OTUD3: variants seen among roughly 807,000 people sequenced by gnomAD.
The protein encoded by OTUD3 is OTU deubiquitinase 3.
A neutral mutation model predicts 46.2 loss-of-function variants in OTUD3; 24 were observed. The ratio of observed to expected loss-of-function variants is 0.52; its 90% CI spans 0.38 to 0.73. The LOEUF is 0.73. Ranked by LOEUF, OTUD3 falls within the 30% of genes least tolerant of loss-of-function variation. The pLI, the probability that OTUD3 is intolerant of heterozygous loss-of-function variation, is 0.00. For missense variants in OTUD3, 455 were observed against 523.3 expected, an observed-to-expected ratio of 0.87 and a Z score of 1.27; for synonymous variants, 189 against 195.4, an observed-to-expected ratio of 0.97 and a Z score of 0.27.
At chr1:19,891,485 C>G (rs1436649690) in intron 2 of OTUD3, among the ~76,000 whole-genome samples, 2 of 152,104 alleles carry the variant, frequency 1.3e-5, no homozygotes. Context: ...GTTAGAAGGT[C>G]TCCACACTGG....
intron 4 of OTUD3, among the ~76,000 whole-genome samples, chr1:19,901,985 A>G (rs1489764861): frequency 1.3e-5 from 2 of 152,218 alleles, no homozygotes; most frequent in African/African-American, 4.8e-5. Flanking sequence ...ATATGTGTAC[A>G]GTATTTTTAC....
In OTUD3 at chr1:19,904,409, C is replaced by A. The variant is rs774226152; in HGVS notation, c.738+11C>A. On this transcript the variant is annotated intron_variant, in intron 5 of 7. Transcript: ENST00000375120. ...GCAACTGGATGTTCAGTTAGTATTT[C>A]TGTCTTGCAGGAATGATTTAGAAGC... 8.1e-6 allele frequency: 13 copies of A among 1,604,280 alleles called. No homozygotes were observed. The highest frequency in any genetic ancestry group is 1.1e-5 in the Non-Finnish European group (13 of 1,176,602).
At chr1:19,883,502 G>C (rs1484995580) in intron 1 of OTUD3, among the ~76,000 whole-genome samples, 3 of 152,308 alleles carry the variant, frequency 2.0e-5, no homozygotes, top group East Asian at 3.9e-4. Context: ...AAAGGGGTCT[G>C]GTTGTCAGCT....
chr1:19,885,930 G>A (rs2100237282), intron 1 of OTUD3, among the ~76,000 whole-genome samples: 1 of 152,336 alleles, frequency 6.6e-6, no homozygotes, highest in Middle Eastern at 3.4e-3. Flanking sequence ...TATGGTACCT[G>A]TAGCATTCTG....
chr1:19,882,459 CGCTG>C lies in OTUD3; in HGVS notation c.-53_-50del. 7.5e-7 allele frequency: 1 copy of C among 1,325,878 alleles called. No individual in the cohort carries two copies. Among genetic ancestry groups the C allele is most frequent in the Non-Finnish European group, 9.6e-7 (1 of 1,043,284 alleles). 82.1% of individuals were successfully genotyped at this position (1,325,878 alleles called of 1,614,324 possible). A position where few individuals can be genotyped will look rare whatever the true frequency, so the allele number is the denominator to read the frequency against. On this transcript the variant is annotated 5_prime_UTR_variant, in exon 1 of 8. Coordinates refer to ENST00000375120, the MANE Select transcript of OTUD3 (RefSeq NM_015207.2). ...TTACCTTCCCAACGCTTGAGGCGGA[CGCTG>C]GGGGGTCCTGCGCCTTTCCCTCCTG...
intron 4 of OTUD3, among the ~76,000 whole-genome samples, chr1:19,901,499 C>T (rs1351531103): frequency 6.6e-6 from 1 of 152,132 alleles, no homozygotes; most frequent in African/African-American, 2.4e-5. Flanking sequence ...CACAGAACCC[C>T]TCTTTTTTTA....
Position 19,904,370 on chromosome 1 carries a change from A to G in OTUD3, c.710A>G (p.Gln237Arg). 1 of 1,612,976 alleles carries G rather than the reference A, an allele frequency of 6.2e-7. No homozygotes were observed. The highest frequency in any genetic ancestry group is 8.5e-7 in the Non-Finnish European group (1 of 1,179,548). Residue 237 changes from glutamine (Q) to arginine (R), a missense_variant, in exon 5 of 8, where the codon CAG (glutamine) becomes CGG (arginine). Coordinates refer to ENST00000375120, the MANE Select transcript of OTUD3 (RefSeq NM_015207.2). Reference sequence around the variant, plus strand: ...AGAGATGAAGTAGAGGATGCTGTCCAGAAAGTTTGTAATGCAACTGGATGT... The same window carrying G: ...AGAGATGAAGTAGAGGATGCTGTCCGGAAAGTTTGTAATGCAACTGGATGT... ...DLRDEVEDAV[Q>R]KVCNATGCSD...
In OTUD3 at chr1:19,883,194, GC is replaced by G. The variant is rs200996819; in HGVS notation, c.221+465del. ...TTTGAGTCCTTGGTTTTTGGGTGGTGCCCCCATTTACATTTGTGAAATTAGG... is the reference window on the plus strand; with the variant it reads ...TTTGAGTCCTTGGTTTTTGGGTGGTGCCCCATTTACATTTGTGAAATTAGG... On this transcript the variant is annotated intron_variant, in intron 1 of 7. Transcript: ENST00000375120. Among the ~76,000 whole-genome samples, 1,011 of 152,306 alleles carry G rather than the reference GC, an allele frequency of 6.6e-3. 14 individuals carry two copies. The highest frequency in any genetic ancestry group is 0.023 in the African/African-American group (940 of 41,562).
rs1000401320 is a variant in OTUD3, at chr1:19,912,351, C to A, written c.*4605C>A. The A allele has an allele frequency of 1.3e-5, 2 of 152,396 alleles. No homozygotes were observed. Among genetic ancestry groups the A allele is most frequent in the African/African-American group, 4.8e-5 (2 of 41,456 alleles). 9.4% of individuals were successfully genotyped at this position (152,396 alleles called of 1,614,324 possible). A position where few individuals can be genotyped will look rare whatever the true frequency, so the allele number is the denominator to read the frequency against. On this transcript the variant is annotated 3_prime_UTR_variant, in exon 8 of 8. Coordinates refer to ENST00000375120, the MANE Select transcript of OTUD3 (RefSeq NM_015207.2). ...AGCAGTACTGGTAAGAGGCTTCACACATTTTCCCACTCTTACAGTTCATTT... is the reference window on the plus strand; with the variant it reads ...AGCAGTACTGGTAAGAGGCTTCACAAATTTTCCCACTCTTACAGTTCATTT...
Position 19,895,126 on chromosome 1 carries a change from A to G in OTUD3, c.483+646A>G, listed in dbSNP as rs555084017. ...TATCACAATGTTTTTACACACTTTT[A>G]AAACACATACACACATGTATCCATA... On this transcript the variant is annotated intron_variant, in intron 3 of 7. Coordinates refer to ENST00000375120, the MANE Select transcript of OTUD3 (RefSeq NM_015207.2). 3.3e-4 allele frequency among the ~76,000 whole-genome samples: 51 copies of G among 152,362 alleles called. 1 individual carries two copies. In the South Asian group the frequency reaches 0.01, roughly 31 times the overall value.
chr1:19,905,757 G>T (rs937362641), intron 6 of OTUD3, among the ~76,000 whole-genome samples: 3 of 152,004 alleles, frequency 2.0e-5, no homozygotes, highest in Non-Finnish European at 2.9e-5. Context: ...AAGAGAAAAG[G>T]ATGTAACATC....
chr1:19,888,641 T>A (rs1040430754), intron 1 of OTUD3, among the ~76,000 whole-genome samples: 4 of 152,236 alleles, frequency 2.6e-5, no homozygotes, highest in Non-Finnish European at 5.9e-5. Flanking sequence ...ATCCTGGGCC[T>A]ACCACTTACT....
At chr1:19,903,159 C>G (rs2045615187) in intron 4 of OTUD3, among the ~76,000 whole-genome samples, 3 of 150,670 alleles carry the variant, frequency 2.0e-5, no homozygotes, top group African/African-American at 2.4e-5. Context: ...GCCATCCTCC[C>G]AGCTCAGCCT....
chr1:19,903,128 A>G (rs540812170), intron 4 of OTUD3, among the ~76,000 whole-genome samples: 26 of 135,926 alleles, frequency 1.9e-4, no homozygotes, highest in African/African-American at 7.2e-4. Flanking sequence ...GCTCACTGCA[A>G]CCTCCACCTC....
rs1395073629 is a variant in OTUD3 at position 19,894,420 on chromosome 1, C to T, written c.423C>T (p.Ala141=). ...GTFAGNDAIV[A]FARNHQLNVV... ...TTGCTGGCAATGATGCAATTGTAGC[C>T]TTTGCAAGAAATCATCAGTTGAATG... Residue 141 remains alanine (A), a synonymous_variant, in exon 3 of 8, where the codon GCC becomes GCT. Coordinates refer to ENST00000375120, the MANE Select transcript of OTUD3 (RefSeq NM_015207.2). The T allele has an allele frequency of 1.2e-6, 2 of 1,611,472 alleles. No individual in the cohort carries two copies. The highest frequency in any genetic ancestry group is 1.7e-6 in the Non-Finnish European group (2 of 1,178,802).
intron 1 of OTUD3, 106 bp downstream of exon 1, chr1:19,882,840 G>C: frequency 1.9e-6 from 2 of 1,060,098 alleles, no homozygotes; most frequent in Non-Finnish European, 2.4e-6. Flanking sequence ...CGGGCGGCCC[G>C]GGCGCCTCCC....
rs1197243076 is a variant in OTUD3 at position 19,910,605 on chromosome 1, C to CAG, written c.*2861_*2862dup. ...GCAAAGTATGGTTGAGAAATTGTGG[C>CAG]AGAAAGAATTTTAAATGTTAGTCGA... On this transcript the variant is annotated 3_prime_UTR_variant, in exon 8 of 8. Transcript: ENST00000375120. 6.6e-6 allele frequency: 1 copy of CAG among 152,318 alleles called. No individual in the cohort carries two copies. The highest frequency in any genetic ancestry group is 2.4e-5 in the African/African-American group (1 of 41,438). The allele number at this position is 152,318 out of a possible 1,614,324, so 9.4% of individuals were successfully genotyped here. A position where few individuals can be genotyped will look rare whatever the true frequency, so the allele number is the denominator to read the frequency against.
chr1:19,901,841 G>A (rs766382577), intron 4 of OTUD3, among the ~76,000 whole-genome samples: 1 of 152,164 alleles, frequency 6.6e-6, no homozygotes. Flanking sequence ...GCATGTATCA[G>A]TACTTCATTC....
chr1:19,907,439 T>C (rs2045675098), intron 7 of OTUD3, 131 bp from the exon 8 acceptor site: 1 of 716,870 alleles, frequency 1.4e-6, no homozygotes, highest in Non-Finnish European at 2.3e-6. Context: ...AAATCATCTT[T>C]GGCGTCTTAG....
Sources: gnomAD v4.1 joint callset for allele counts (sites outside exome capture counted in the v4.1 genomes callset) on GRCh38, gnomAD v4.1.1 for gene constraint, MANE v1.5 for transcripts, NCBI Gene and HGNC (gene_info 2026-07-23, HGNC 2026-07-21) for gene names.